MRPS28: variants seen among roughly 807,000 people sequenced by gnomAD.
MRPS28 encodes mitochondrial ribosomal protein S28.
A neutral mutation model predicts 10.8 loss-of-function variants in MRPS28; 7 were observed. The observed-to-expected ratio is 0.65, with a 90% CI of 0.37 to 1.22. The LOEUF is 1.22. Among genes scored for constraint, MRPS28 ranks in the 50% most tolerant of loss-of-function variants. The probability of loss-of-function intolerance (pLI) is 0.02; values close to 1 mark genes in which losing one functional copy is unlikely to be tolerated. For synonymous variants in MRPS28, 121 were observed against 93.3 expected, an observed-to-expected ratio of 1.30 and a Z score of -1.71; for missense variants, 265 against 232.9, an observed-to-expected ratio of 1.14 and a Z score of -0.90.
chr8:80,010,097 T>G (rs1311788360), intron 1 of MRPS28, among the ~76,000 whole-genome samples: 1 of 152,210 alleles, frequency 6.6e-6, no homozygotes, highest in African/African-American at 2.4e-5. Flanking sequence ...CATATTGAAT[T>G]CACTTGAGGT....
intron 2 of MRPS28, among the ~76,000 whole-genome samples, chr8:79,951,400 C>T (rs1734918609): frequency 6.6e-6 from 1 of 152,224 alleles, no homozygotes. Context: ...AGCCTCTTGC[C>T]CATCCATCAT....
chr8:80,000,066 T>C (rs1291959008), intron 2 of MRPS28, among the ~76,000 whole-genome samples: 1 of 152,218 alleles, frequency 6.6e-6, no homozygotes, highest in East Asian at 1.9e-4. Flanking sequence ...CATTTGCATA[T>C]GCACTTCAAG....
intron 1 of MRPS28, among the ~76,000 whole-genome samples, chr8:80,015,988 C>A (rs1586098780): frequency 6.7e-6 from 1 of 148,650 alleles, no homozygotes; most frequent in Non-Finnish European, 1.5e-5. Flanking sequence ...ACTGCCAAAA[C>A]TGAAAAGCAA....
intron 2 of MRPS28, among the ~76,000 whole-genome samples, chr8:79,971,332 G>GT (rs896366668): frequency 1.3e-5 from 2 of 152,036 alleles, no homozygotes; most frequent in African/African-American, 2.4e-5. Context: ...ACACAGAAAG[G>GT]TTTTTTTAAT....
At chr8:79,989,572 A>C (rs766379737) in intron 2 of MRPS28, among the ~76,000 whole-genome samples, 6 of 152,202 alleles carry the variant, frequency 3.9e-5, no homozygotes, top group Non-Finnish European at 7.3e-5. Flanking sequence ...TTACATTTGC[A>C]TTTCACTTTT....
chr8:79,988,132 T>G (rs1563535220), intron 2 of MRPS28, among the ~76,000 whole-genome samples: 1 of 151,442 alleles, frequency 6.6e-6, no homozygotes, highest in African/African-American at 2.4e-5. Context: ...GGGACATGGA[T>G]GAAACTGGAA....
chr8:79,942,907 T>A (rs569758432), intron 2 of MRPS28, among the ~76,000 whole-genome samples: 1 of 152,196 alleles, frequency 6.6e-6, no homozygotes, highest in South Asian at 2.1e-4. Flanking sequence ...AAATAAAAAA[T>A]AAATTTAAAA....
At chr8:79,998,613 G>A (rs1808570718) in intron 2 of MRPS28, among the ~76,000 whole-genome samples, 1 of 152,056 alleles carries the variant, frequency 6.6e-6, no homozygotes, top group African/African-American at 2.4e-5. Context: ...AAACAAAATT[G>A]TCCCAGAGCT....
intron 1 of MRPS28, 134 bp downstream of exon 1, chr8:80,029,898 AACGC>A: frequency 1.3e-6 from 2 of 1,536,272 alleles, no homozygotes; most frequent in Non-Finnish European, 1.7e-6. Flanking sequence ...GCTGAGCCAC[AACGC>A]ACCGCAACTC....
At position 79,982,998 on chromosome 8, in the gene MRPS28, G is replaced by A. The variant is rs1368804210; in HGVS notation, c.395+20001C>T. ...CCCTGACGCCTGACCCCCGACCCCC[G>A]AGCAGCCTAACTGGGAGGCACCCCC... On this transcript the variant is annotated intron_variant, in intron 2 of 2. Transcript: ENST00000276585. Among the ~76,000 whole-genome samples, 3 of 102,766 alleles carry A rather than the reference G, an allele frequency of 2.9e-5. 1 individual carries two copies. Among genetic ancestry groups the A allele is most frequent in the Non-Finnish European group, 5.8e-5 (3 of 51,764 alleles). 67.4% of individuals were successfully genotyped at this position (102,766 alleles called of 152,430 possible).
At chr8:79,945,813 T>A (rs1033799017) in intron 2 of MRPS28, among the ~76,000 whole-genome samples, 2 of 152,068 alleles carry the variant, frequency 1.3e-5, no homozygotes, top group South Asian at 4.1e-4. Context: ...AATAAAAGGG[T>A]AAGCAAGCCC....
intron 2 of MRPS28, among the ~76,000 whole-genome samples, chr8:79,959,073 T>A (rs1655263506): frequency 6.6e-6 from 1 of 152,148 alleles, no homozygotes. Context: ...AGTGAAATCC[T>A]TCCCTCTTTC....
At chr8:80,019,262 GATT>G (rs1255466653) in intron 1 of MRPS28, among the ~76,000 whole-genome samples, 1 of 149,416 alleles carries the variant, frequency 6.7e-6, no homozygotes, top group African/African-American at 2.5e-5. Flanking sequence ...ACTATGATGT[GATT>G]ATTACATGTT....
intron 2 of MRPS28, chr8:79,957,791 C>A (rs1807266981): frequency 6.6e-6 from 1 of 152,080 alleles, no homozygotes; most frequent in South Asian, 2.1e-4. Context: ...CTAGAAAAAT[C>A]CACAAATCTT....
intron 1 of MRPS28, among the ~76,000 whole-genome samples, chr8:80,027,390 C>T (rs1809518610): frequency 6.6e-6 from 1 of 152,184 alleles, no homozygotes; most frequent in Non-Finnish European, 1.5e-5. Context: ...TGAAAGATGG[C>T]AGAAACTGGA....
At chr8:80,020,100 A>G (rs1457688901) in intron 1 of MRPS28, among the ~76,000 whole-genome samples, 2 of 152,214 alleles carry the variant, frequency 1.3e-5, no homozygotes, top group Non-Finnish European at 2.9e-5. Context: ...CTTCCAGGTC[A>G]TAGGTAGATT....
At chr8:79,941,120 T>C (rs576341916) in intron 2 of MRPS28, among the ~76,000 whole-genome samples, 23 of 152,278 alleles carry the variant, frequency 1.5e-4, no homozygotes, top group African/African-American at 5.3e-4. Context: ...ACCATGTCTC[T>C]ATACAAAATT....
chr8:79,928,455 A>ATATT (rs561844055), intron 2 of MRPS28, among the ~76,000 whole-genome samples: 2,293 of 151,668 alleles, frequency 0.015, 70 homozygotes, highest in African/African-American at 0.051. Context: ...ATATATATAT[A>ATATT]TTTTTTGAGA....
intron 1 of MRPS28, among the ~76,000 whole-genome samples, chr8:80,010,718 A>C (rs1439205257): frequency 6.6e-6 from 1 of 152,248 alleles, no homozygotes; most frequent in Non-Finnish European, 1.5e-5. Context: ...ACGAACCACA[A>C]GTTTATGACC....
Sources: gnomAD v4.1 joint callset for allele counts (sites outside exome capture counted in the v4.1 genomes callset) on GRCh38, gnomAD v4.1.1 for gene constraint, MANE v1.5 for transcripts, NCBI Gene and HGNC (gene_info 2026-07-23, HGNC 2026-07-21) for gene names.